Variants in XPNPEP3 observed in about 807,000 individuals in gnomAD.
The protein encoded by XPNPEP3 is X-prolyl aminopeptidase 3.
A neutral mutation model predicts 60.0 loss-of-function variants in XPNPEP3; 41 were observed. The observed-to-expected ratio is 0.68, with a 90% CI of 0.53 to 0.89. The LOEUF (loss-of-function observed/expected upper bound fraction) is 0.89. Ranked by LOEUF, XPNPEP3 falls within the 40% of genes least tolerant of loss-of-function variation. The probability of loss-of-function intolerance (pLI) is 0.00; values close to 1 mark genes in which losing one functional copy is unlikely to be tolerated. For missense variants in XPNPEP3, 598 were observed against 638.9 expected (o/e 0.94, Z 0.69); for synonymous variants, 212 against 223.2 (o/e 0.95, Z 0.45).
intron 8 of XPNPEP3, among the ~76,000 whole-genome samples, chr22:40,923,493 T>C (rs998287201): frequency 2.0e-5 from 3 of 152,066 alleles, no homozygotes; most frequent in Admixed American, 1.3e-4. Context: ...ACTTCTGTTA[T>C]CAGTAAAAAT....
rs545661877 is a variant in XPNPEP3, at chr22:40,869,331, T to C, written c.181+216T>C. On this transcript the variant is annotated intron_variant, in intron 2 of 9. Coordinates refer to ENST00000357137, the MANE Select transcript of XPNPEP3 (RefSeq NM_022098.4). The stretch of plus-strand genomic sequence containing the variant: ...TAATTAATTTAAATTTAAGCTTAAC[T>C]ACATGTGGGTACTGGTGCTTTATTG... Among the ~76,000 whole-genome samples the C allele has an allele frequency of 9.2e-5, 14 of 152,330 alleles. No homozygotes were observed. The East Asian group carries it at 2.7e-3, about 29-fold the overall frequency.
intron 4 of XPNPEP3, among the ~76,000 whole-genome samples, chr22:40,896,244 C>A (rs11913345): frequency 0.044 from 6,755 of 152,124 alleles, 485 homozygotes; most frequent in African/African-American, 0.15. Context: ...CCATGTTGGC[C>A]GTGTGAGCTC....
At chr22:40,870,070 C>T (rs763053795) in intron 2 of XPNPEP3, 16 of 470,744 alleles carry the variant, frequency 3.4e-5, no homozygotes, top group African/African-American at 1.2e-4. Flanking sequence ...GCTGGGAAGT[C>T]GGCTGAAACT....
chr22:40,896,857 G>A (rs912304168), intron 4 of XPNPEP3, among the ~76,000 whole-genome samples: 2 of 151,740 alleles, frequency 1.3e-5, no homozygotes, highest in African/African-American at 4.8e-5. Flanking sequence ...CTGTGACTCT[G>A]CCTATTCTAA....
intron 4 of XPNPEP3, among the ~76,000 whole-genome samples, chr22:40,895,561 CTGACCTCAGG>C (rs975635613): frequency 2.0e-5 from 3 of 152,074 alleles, no homozygotes; most frequent in Non-Finnish European, 2.9e-5. Flanking sequence ...TCTTGAACTG[CTGACCTCAGG>C]TGATCCACCC....
In XPNPEP3 at chr22:40,928,172, T is replaced by TGGGA. The variant is rs2058241983; in HGVS notation, c.*1739_*1742dup. 1 of 150,656 alleles carries TGGGA rather than the reference T, an allele frequency of 6.6e-6. No homozygotes were observed. The highest frequency in any genetic ancestry group is 1.5e-5 in the Non-Finnish European group (1 of 67,784). The allele number at this position is 150,656 out of a possible 1,614,324, so 9.3% of individuals were successfully genotyped here. A position where few individuals can be genotyped will look rare whatever the true frequency, so the allele number is the denominator to read the frequency against. On this transcript the variant is annotated 3_prime_UTR_variant, in exon 10 of 10. Transcript: ENST00000357137. Reference sequence around the variant, plus strand: ...TCTTATCTTTCTTTGATACTAGCACTGGGAGTGCAGTGGTAAAGAGTCATA... The same window carrying TGGGA: ...TCTTATCTTTCTTTGATACTAGCACTGGGAGGGAGTGCAGTGGTAAAGAGTCATA...
At chr22:40,857,668 C>T (rs954699349) in intron 1 of XPNPEP3, among the ~76,000 whole-genome samples, 4 of 152,248 alleles carry the variant, frequency 2.6e-5, no homozygotes, top group African/African-American at 9.6e-5. Context: ...GGAGAGGTAA[C>T]TGTTTCGAAA....
intron 4 of XPNPEP3, among the ~76,000 whole-genome samples, chr22:40,891,137 G>A (rs2058086520): frequency 8.0e-6 from 1 of 124,664 alleles, no homozygotes; most frequent in Admixed American, 9.8e-5. Context: ...GAGCCCAGGA[G>A]TTTGAAACCA....
intron 2 of XPNPEP3, among the ~76,000 whole-genome samples, chr22:40,876,215 A>C (rs2058027320): frequency 6.6e-6 from 1 of 152,210 alleles, no homozygotes; most frequent in African/African-American, 2.4e-5. Context: ...AACATGTGAA[A>C]AAGCCAAAGA....
chr22:40,913,306 C>T (rs551991923), intron 6 of XPNPEP3, among the ~76,000 whole-genome samples: 10 of 151,768 alleles, frequency 6.6e-5, no homozygotes, highest in Middle Eastern at 6.9e-3. Flanking sequence ...GGTGTGGTGG[C>T]GGGCACCTGT....
intron 2 of XPNPEP3, among the ~76,000 whole-genome samples, chr22:40,881,488 A>G (rs979591255): frequency 3.9e-5 from 6 of 152,090 alleles, no homozygotes; most frequent in Non-Finnish European, 8.8e-5. Context: ...TTCAATGAAT[A>G]TAACTGAGTG....
intron 1 of XPNPEP3, chr22:40,861,552 T>C: frequency 6.2e-7 from 1 of 1,613,386 alleles, no homozygotes; most frequent in Non-Finnish European, 8.5e-7. Context: ...AGAAAATTTC[T>C]CAAAAATTGG....
rs1443127007 is a variant in XPNPEP3, at chr22:40,886,224, T to G, written c.590-89T>G. The G allele has an allele frequency of 4.5e-6, 6 of 1,343,854 alleles. 1 individual carries two copies. 83.2% of individuals were successfully genotyped at this position (1,343,854 alleles called of 1,614,324 possible). Reference sequence around the variant, plus strand: ...GTTCCACGTTACAGGTTTTATAGTTTTGACTCTTGTTCAAGTCGTTATGAC... The same window carrying G: ...GTTCCACGTTACAGGTTTTATAGTTGTGACTCTTGTTCAAGTCGTTATGAC... On this transcript the variant is annotated intron_variant, in intron 3 of 9. Transcript: ENST00000357137.
At chr22:40,892,542 T>A (rs187176683) in intron 4 of XPNPEP3, among the ~76,000 whole-genome samples, 1 of 151,844 alleles carries the variant, frequency 6.6e-6, no homozygotes, top group Admixed American at 6.5e-5. Flanking sequence ...ACCTGGCCAG[T>A]TGCTCCTAGC....
intron 2 of XPNPEP3, among the ~76,000 whole-genome samples, chr22:40,875,582 T>A (rs1483273538): frequency 6.6e-6 from 1 of 152,156 alleles, no homozygotes; most frequent in East Asian, 1.9e-4. Context: ...ATACCAATAA[T>A]CTGTAAACCA....
At position 40,924,347 on chromosome 22, in the gene XPNPEP3, A is replaced by G; in HGVS notation, c.1237-15A>G. The G allele has an allele frequency of 1.9e-6, 3 of 1,614,080 alleles. No individual in the cohort carries two copies. The highest frequency in any genetic ancestry group is 1.7e-6 in the Non-Finnish European group (2 of 1,179,980). On this transcript the variant is annotated splice_polypyrimidine_tract_variant and intron_variant, in intron 8 of 9. Coordinates refer to ENST00000357137, the MANE Select transcript of XPNPEP3 (RefSeq NM_022098.4). ...GTCATTGCTCTAATGATACTGTGACAATTATCTTTTCCAGGCTGCTCGAAA... is the reference window on the plus strand; with the variant it reads ...GTCATTGCTCTAATGATACTGTGACGATTATCTTTTCCAGGCTGCTCGAAA...
intron 3 of XPNPEP3, among the ~76,000 whole-genome samples, chr22:40,883,558 C>T (rs2058056938): frequency 6.6e-6 from 1 of 152,078 alleles, no homozygotes; most frequent in South Asian, 2.1e-4. Flanking sequence ...GATGGAGTTT[C>T]ACTTTGTTGC....
chr22:40,925,682 C>T (rs1213313538), intron 9 of XPNPEP3, among the ~76,000 whole-genome samples: 1 of 152,162 alleles, frequency 6.6e-6, no homozygotes, highest in Non-Finnish European at 1.5e-5. Context: ...GGGGTTCCTA[C>T]ATTTTTCCAA....
intron 8 of XPNPEP3, 61 bp from the exon 9 acceptor site, chr22:40,924,301 G>A (rs2058226907): frequency 6.2e-7 from 1 of 1,609,436 alleles, no homozygotes; most frequent in Non-Finnish European, 8.5e-7. Flanking sequence ...ATTTATACTT[G>A]CCCAGCATTC....
Sources: gnomAD v4.1 joint callset for allele counts (sites outside exome capture counted in the v4.1 genomes callset) on GRCh38, gnomAD v4.1.1 for gene constraint, MANE v1.5 for transcripts, NCBI Gene and HGNC (gene_info 2026-07-23, HGNC 2026-07-21) for gene names.